Variants in AMN1 observed in about 807,000 individuals in gnomAD.
AMN1 encodes antagonist of mitotic exit network 1 homolog.
AMN1 carries 20 observed loss-of-function variants against 33.0 expected under a neutral mutation model. The observed-to-expected ratio is 0.61, with a 90% CI of 0.43 to 0.88. The LOEUF is 0.88. Among genes scored for constraint, AMN1 ranks in the 40% least tolerant of loss-of-function variants. The probability of loss-of-function intolerance (pLI) is 0.00; values close to 1 mark genes in which losing one functional copy is unlikely to be tolerated. For missense variants in AMN1, 246 were observed against 307.4 expected (o/e 0.80, Z 1.49); for synonymous variants, 114 against 111.9 (o/e 1.02, Z -0.12).
intron 6 of AMN1, among the ~76,000 whole-genome samples, chr12:31,684,744 T>C (rs933306872): frequency 2.0e-5 from 3 of 152,208 alleles, no homozygotes; most frequent in Non-Finnish European, 4.4e-5. Context: ...GTGCTGGGAT[T>C]ACCGGCGTGA....
intron 1 of AMN1, among the ~76,000 whole-genome samples, chr12:31,723,184 A>G (rs1171189463): frequency 6.6e-6 from 1 of 152,002 alleles, no homozygotes. Context: ...ATCAAATTTT[A>G]TTGGAACACT....
At chr12:31,712,238 T>C (rs1939495084) in intron 1 of AMN1, among the ~76,000 whole-genome samples, 1 of 151,768 alleles carries the variant, frequency 6.6e-6, no homozygotes, top group Non-Finnish European at 1.5e-5. Context: ...GATTTCATTA[T>C]TATTTTATTT....
intron 5 of AMN1, among the ~76,000 whole-genome samples, chr12:31,693,132 A>C (rs534559534): frequency 6.6e-6 from 1 of 152,274 alleles, no homozygotes; most frequent in Admixed American, 6.5e-5. Flanking sequence ...GCAGTAGTGC[A>C]AACACAGTTC....
At chr12:31,717,104 C>T (rs920831547) in intron 1 of AMN1, among the ~76,000 whole-genome samples, 1 of 151,888 alleles carries the variant, frequency 6.6e-6, no homozygotes, top group Non-Finnish European at 1.5e-5. Flanking sequence ...CTATCCTTTC[C>T]CTTGCTCCCC....
intron 6 of AMN1, among the ~76,000 whole-genome samples, chr12:31,677,459 A>AATT: frequency 6.6e-6 from 1 of 152,288 alleles, no homozygotes; most frequent in East Asian, 1.9e-4. Flanking sequence ...CTCAGGAAGG[A>AATT]ATTATAGATT....
intron 1 of AMN1, among the ~76,000 whole-genome samples, chr12:31,711,142 G>C (rs1939450290): frequency 6.6e-6 from 1 of 151,936 alleles, no homozygotes; most frequent in Admixed American, 6.6e-5. Context: ...CTCCTCACTT[G>C]GGATTACAGG....
chr12:31,707,331 C>T (rs192489138), intron 2 of AMN1, among the ~76,000 whole-genome samples: 14 of 152,232 alleles, frequency 9.2e-5, no homozygotes, highest in East Asian at 7.7e-4. Context: ...TTTGAAAACA[C>T]GGAGGTCAAG....
chr12:31,696,700 T>A (rs1592159870), intron 5 of AMN1, among the ~76,000 whole-genome samples: 1 of 151,958 alleles, frequency 6.6e-6, no homozygotes, highest in African/African-American at 2.4e-5. Flanking sequence ...GCCGAGGCGG[T>A]CGGATCACCT....
At position 31,697,853 on chromosome 12, in the gene AMN1, G is replaced by T; in HGVS notation, c.421C>A (p.Gln141Lys). 6.2e-7 allele frequency: 1 copy of T among 1,614,006 alleles called. No homozygotes were observed. The highest frequency in any genetic ancestry group is 8.5e-7 in the Non-Finnish European group (1 of 1,179,882). The change falls in exon 4 of 7, where the codon CAG becomes AAG. Residue 141 changes from glutamine to lysine, a missense_variant. By Grantham distance (53) the Gln-to-Lys change is moderately conservative. Transcript: ENST00000281471. ...CCTAAATCGATGATCTTTAGCAGCT[G>T]GCAATTGAGTGCAAGAGCAACGACT... The part of the protein sequence containing the change: ...EGVVALALNC[Q>K]LLKIIDLGGC...
intron 5 of AMN1, among the ~76,000 whole-genome samples, chr12:31,695,115 A>T (rs1938665019): frequency 6.6e-6 from 1 of 152,214 alleles, no homozygotes. Context: ...CACTATAATC[A>T]CCAACACACT....
intron 5 of AMN1, 71 bp from the exon 6 acceptor site, chr12:31,689,189 GA>G: frequency 9.9e-7 from 1 of 1,011,228 alleles, no homozygotes; most frequent in Non-Finnish European, 1.5e-6. Context: ...ACAATTTTGA[GA>G]AACATTCTGA....
At chr12:31,688,887 T>C in intron 6 of AMN1, 120 bp downstream of exon 6, 1 of 522,138 alleles carries the variant, frequency 1.9e-6, no homozygotes, top group South Asian at 3.4e-5. Context: ...GTAGGTACTC[T>C]CATTATGCCT....
chr12:31,672,201 A>G lies in AMN1; in HGVS notation c.*103T>C, dbSNP rs1951287355. The G allele has an allele frequency of 1.3e-6, 1 of 763,598 alleles. No individual in the cohort carries two copies. The highest frequency in any genetic ancestry group is 1.8e-5 in the African/African-American group (1 of 56,718). The allele number at this position is 763,598 out of a possible 1,614,324, so 47.3% of individuals were successfully genotyped here. The stretch of plus-strand genomic sequence containing the variant: ...TATAACTTAAGACAATAAAATAATT[A>G]AAAATAGTGTTAACATTAAGTAGAA... On this transcript the variant is annotated 3_prime_UTR_variant, in exon 7 of 7. Transcript: ENST00000281471.
At chr12:31,677,735 C>T (rs1465498346) in intron 6 of AMN1, among the ~76,000 whole-genome samples, 1 of 152,170 alleles carries the variant, frequency 6.6e-6, no homozygotes, top group Non-Finnish European at 1.5e-5. Context: ...TATCTCTTAC[C>T]CTTCATTCTC....
chr12:31,685,466 A>G (rs111382661), intron 6 of AMN1, among the ~76,000 whole-genome samples: 172 of 152,240 alleles, frequency 1.1e-3, no homozygotes, highest in African/African-American at 4.1e-3. Flanking sequence ...CTTAAATGAA[A>G]ATTTAGTTAA....
At chr12:31,680,830 T>C (rs537174768) in intron 6 of AMN1, among the ~76,000 whole-genome samples, 6 of 152,318 alleles carry the variant, frequency 3.9e-5, no homozygotes, top group African/African-American at 1.2e-4. Context: ...AATACTCATA[T>C]GTGAGCAACC....
At chr12:31,690,142 C>T (rs905925520) in intron 5 of AMN1, among the ~76,000 whole-genome samples, 1 of 152,216 alleles carries the variant, frequency 6.6e-6, no homozygotes, top group African/African-American at 2.4e-5. Context: ...ACCACAGTTT[C>T]TGTATCCACT....
At chr12:31,701,453 C>A (rs1938997276) in intron 3 of AMN1, among the ~76,000 whole-genome samples, 1 of 152,118 alleles carries the variant, frequency 6.6e-6, no homozygotes. Context: ...CACCACCATG[C>A]CTGGCTAACT....
intron 1 of AMN1, among the ~76,000 whole-genome samples, chr12:31,718,421 G>A (rs544493595): frequency 2.6e-5 from 4 of 152,046 alleles, no homozygotes; most frequent in East Asian, 1.9e-4. Flanking sequence ...CTGTCAACTC[G>A]TCAAACTCAT....
Sources: gnomAD v4.1 joint callset for allele counts (sites outside exome capture counted in the v4.1 genomes callset) on GRCh38, gnomAD v4.1.1 for gene constraint, MANE v1.5 for transcripts, NCBI Gene and HGNC (gene_info 2026-07-23, HGNC 2026-07-21) for gene names.